Variants in STARD13 observed in about 807,000 individuals in gnomAD.
The protein encoded by STARD13 is stAR-related lipid transfer protein 13.
A neutral mutation model predicts 106.4 loss-of-function variants in STARD13; 62 were observed. The observed-to-expected ratio is 0.58, with a 90% CI of 0.48 to 0.72. The LOEUF is 0.72. STARD13 is among the 30% of genes least tolerant of loss of function. The pLI is 0.00. For missense variants in STARD13, 1,387 were observed against 1,424.0 expected (o/e 0.97, Z 0.42); for synonymous variants, 565 against 553.0 (o/e 1.02, Z -0.31).
At chr13:33,418,654 C>A in the STARD13 span, among the ~76,000 whole-genome samples, 1 of 152,224 alleles carries the variant, frequency 6.6e-6, no homozygotes, top group African/African-American at 2.4e-5. Context: ...GTCCCTGACC[C>A]CCGTGTAGCC....
At chr13:33,235,165 A>G (rs1166100145) in intron 1 of STARD13, among the ~76,000 whole-genome samples, 1 of 152,168 alleles carries the variant, frequency 6.6e-6, no homozygotes, top group African/African-American at 2.4e-5. Context: ...GAGGCTTGGG[A>G]TATTTTTTAA....
At chr13:33,440,858 C>T in the STARD13 span, among the ~76,000 whole-genome samples, 4 of 150,238 alleles carry the variant, frequency 2.7e-5, no homozygotes, top group African/African-American at 2.5e-5. Context: ...TCAAGTGATC[C>T]GCCCACCTCG....
the STARD13 span, chr13:33,439,624 G>T: frequency 2.5e-6 from 2 of 784,350 alleles, no homozygotes; most frequent in Non-Finnish European, 3.7e-6. Flanking sequence ...AATTTATAGG[G>T]ATGAGGCAAA....
chr13:33,647,953 A>T, the STARD13 span, among the ~76,000 whole-genome samples: 10 of 152,198 alleles, frequency 6.6e-5, no homozygotes, highest in Non-Finnish European at 4.4e-5. Flanking sequence ...CATTTTTAAT[A>T]TAGTCTTATC....
At chr13:33,353,616 A>C (rs1406681923), upstream of STARD13, among the ~76,000 whole-genome samples, 2 of 152,244 alleles carry the variant, frequency 1.3e-5, no homozygotes, top group East Asian at 3.8e-4. Context: ...AGACGATTGC[A>C]TTGTGGATTA....
At chr13:33,673,591 G>A in the STARD13 span, among the ~76,000 whole-genome samples, 1 of 140,576 alleles carries the variant, frequency 7.1e-6, no homozygotes, top group Admixed American at 7.9e-5. Flanking sequence ...TCACCATGCT[G>A]GAGTGCAGTG....
intron 7 of STARD13, among the ~76,000 whole-genome samples, chr13:33,125,211 C>T (rs1016553258): frequency 1.3e-5 from 2 of 152,130 alleles, no homozygotes; most frequent in African/African-American, 4.8e-5. Context: ...ATAAAAAGTA[C>T]AAATAATCTT....
chr13:33,202,879 C>T (rs1454050958), intron 1 of STARD13, among the ~76,000 whole-genome samples: 1 of 152,014 alleles, frequency 6.6e-6, no homozygotes, highest in Non-Finnish European at 1.5e-5. Context: ...CTGAGAGGGA[C>T]CTCTGGGGGC....
chr13:33,344,954 G>A (rs761030236), downstream of STARD13, among the ~76,000 whole-genome samples: 5 of 152,200 alleles, frequency 3.3e-5, no homozygotes, highest in Non-Finnish European at 7.3e-5. Flanking sequence ...AGTAATTCAA[G>A]CTGCTTACAA....
intron 1 of STARD13, among the ~76,000 whole-genome samples, chr13:33,334,822 G>A (rs1594276185): frequency 1.3e-5 from 2 of 152,290 alleles, no homozygotes; most frequent in South Asian, 4.1e-4. Context: ...CACCTGGAAA[G>A]GTTGTTATGA....
chr13:33,563,756 C>T, the STARD13 span, among the ~76,000 whole-genome samples: 2 of 147,360 alleles, frequency 1.4e-5, no homozygotes, highest in African/African-American at 2.5e-5. Flanking sequence ...AGCTTTTGCA[C>T]AGCAAAGGAA....
chr13:33,383,890 C>T, the STARD13 span, among the ~76,000 whole-genome samples: 1 of 151,552 alleles, frequency 6.6e-6, no homozygotes, highest in Admixed American at 6.6e-5. Context: ...AGTTTTCATC[C>T]ATGAGGAGGT....
the STARD13 span, among the ~76,000 whole-genome samples, chr13:33,673,942 C>A: frequency 4.0e-5 from 6 of 151,810 alleles, no homozygotes; most frequent in African/African-American, 1.2e-4. Context: ...CTCATGGCAA[C>A]CTCCACCTCC....
At chr13:33,620,251 C>G in the STARD13 span, among the ~76,000 whole-genome samples, 2 of 151,722 alleles carry the variant, frequency 1.3e-5, no homozygotes, top group African/African-American at 4.8e-5. Flanking sequence ...AACAGTATAC[C>G]CAACAATGCA....
the STARD13 span, among the ~76,000 whole-genome samples, chr13:33,357,788 A>T: frequency 6.6e-6 from 1 of 152,170 alleles, no homozygotes. Context: ...AAATTAACCG[A>T]GTGTGCTGGT....
At chr13:33,323,804 G>A (rs559023873) in intron 1 of STARD13, among the ~76,000 whole-genome samples, 1 of 152,126 alleles carries the variant, frequency 6.6e-6, no homozygotes, top group Non-Finnish European at 1.5e-5. Flanking sequence ...GGTAAGAAAC[G>A]CCAACTTGCT....
chr13:33,141,134 T>C (rs1327871313), intron 4 of STARD13, among the ~76,000 whole-genome samples: 1 of 152,220 alleles, frequency 6.6e-6, no homozygotes, highest in Admixed American at 6.5e-5. Context: ...TGCTACGTAG[T>C]AGAGATGTTA....
chr13:33,207,551 A>C (rs1314007523), intron 1 of STARD13, among the ~76,000 whole-genome samples: 1 of 152,144 alleles, frequency 6.6e-6, no homozygotes, highest in Non-Finnish European at 1.5e-5. Flanking sequence ...GTAGAGAGAG[A>C]GGCTTTCTGA....
At chr13:33,478,063 C>T in the STARD13 span, among the ~76,000 whole-genome samples, 24 of 152,190 alleles carry the variant, frequency 1.6e-4, no homozygotes, top group Admixed American at 1.6e-3. Context: ...TGTTTACCAA[C>T]TCCTATTCCT....
Sources: gnomAD v4.1 joint callset for allele counts (sites outside exome capture counted in the v4.1 genomes callset) on GRCh38, gnomAD v4.1.1 for gene constraint, MANE v1.5 for transcripts, NCBI Gene and HGNC (gene_info 2026-07-23, HGNC 2026-07-21) for gene names.